Variants in FREM2 observed in about 807,000 individuals in gnomAD.
The protein encoded by FREM2 is FRAS1 related extracellular matrix 2, also known as FRAS1-related extracellular matrix protein 2.
A neutral mutation model predicts 219.9 loss-of-function variants in FREM2; 119 were observed. The ratio of observed to expected loss-of-function variants is 0.54; its 90% confidence interval spans 0.47 to 0.63. FREM2 has a LOEUF of 0.63. Among genes scored for constraint, FREM2 ranks in the 30% least tolerant of loss-of-function variants. The pLI is 0.00. For synonymous variants in FREM2, 1,562 were observed against 1,522.8 expected, an observed-to-expected ratio of 1.03 and a Z score of -0.60; for missense variants, 4,030 against 3,993.6, an observed-to-expected ratio of 1.01 and a Z score of -0.25.
intron 4 of FREM2, among the ~76,000 whole-genome samples, chr13:38,781,024 T>G (rs112778313): frequency 0.013 from 1,926 of 152,326 alleles, 37 homozygotes; most frequent in African/African-American, 0.044. Flanking sequence ...TCCCATCTGG[T>G]CTTTGTTTAT....
chr13:38,722,269 A>G (rs1871307108), intron 2 of FREM2, among the ~76,000 whole-genome samples: 1 of 152,170 alleles, frequency 6.6e-6, no homozygotes, highest in Non-Finnish European at 1.5e-5. Flanking sequence ...TCTGTTGCCC[A>G]GGCTAGTCTG....
chr13:38,692,706 C>T (rs1162069321), intron 1 of FREM2, among the ~76,000 whole-genome samples, 189 bp downstream of exon 1: 4 of 152,128 alleles, frequency 2.6e-5, no homozygotes, highest in Non-Finnish European at 5.9e-5. Context: ...ATCTCAGTGG[C>T]CTTCATTAGA....
At chr13:38,808,808 A>G (rs530310473) in intron 6 of FREM2, among the ~76,000 whole-genome samples, 1 of 152,090 alleles carries the variant, frequency 6.6e-6, no homozygotes, top group South Asian at 2.1e-4. Context: ...CTGCAGAGAA[A>G]CAAAGTGAGA....
At chr13:38,700,879 A>T (rs1387543098) in intron 2 of FREM2, among the ~76,000 whole-genome samples, 1 of 152,134 alleles carries the variant, frequency 6.6e-6, no homozygotes, top group African/African-American at 2.4e-5. Context: ...TTTAGGATAG[A>T]CAAAGAGCTT....
At position 38,886,141 on chromosome 13, in the gene FREM2, A is replaced by C. The variant is rs1187009768; in HGVS notation, c.*5354A>C. The stretch of plus-strand genomic sequence containing the variant: ...AGAAAGAAGAAAAAATAAGAATGTA[A>C]ATTTTTAAAAGCTAGCATTAAAAGT... On this transcript the variant is annotated 3_prime_UTR_variant, in exon 24 of 24. Transcript: ENST00000280481. 1 of 152,176 alleles carries C rather than the reference A, an allele frequency of 6.6e-6. No individual in the cohort carries two copies. The highest frequency in any genetic ancestry group is 2.4e-5 in the African/African-American group (1 of 41,444). 9.4% of individuals were successfully genotyped at this position (152,176 alleles called of 1,614,324 possible). A position where few individuals can be genotyped will look rare whatever the true frequency, so the allele number is the denominator to read the frequency against.
At chr13:38,816,101 T>A (rs555282612) in intron 6 of FREM2, among the ~76,000 whole-genome samples, 1 of 152,244 alleles carries the variant, frequency 6.6e-6, no homozygotes, top group African/African-American at 2.4e-5. Context: ...AAGTCCTCCA[T>A]CAAAGAAGAG....
At chr13:38,719,940 G>A (rs1221358510) in intron 2 of FREM2, among the ~76,000 whole-genome samples, 1 of 152,100 alleles carries the variant, frequency 6.6e-6, no homozygotes, top group Non-Finnish European at 1.5e-5. Flanking sequence ...TAATTTCTTT[G>A]AGGTTCAGAT....
chr13:38,812,691 G>A (rs992194514), intron 6 of FREM2, among the ~76,000 whole-genome samples: 3 of 151,834 alleles, frequency 2.0e-5, no homozygotes, highest in African/African-American at 7.3e-5. Flanking sequence ...GACCAGCCTG[G>A]GCAACATGGT....
chr13:38,770,286 G>A (rs1873610849), intron 4 of FREM2, among the ~76,000 whole-genome samples: 1 of 150,976 alleles, frequency 6.6e-6, no homozygotes, highest in African/African-American at 2.4e-5. Context: ...TCAAACTTCT[G>A]GCCTCGAGCT....
intron 6 of FREM2, among the ~76,000 whole-genome samples, chr13:38,795,641 C>T (rs1000044181): frequency 3.3e-5 from 5 of 152,062 alleles, no homozygotes. Context: ...TACATCATTG[C>T]TAACTATAGT....
chr13:38,880,944 C>T lies in FREM2; in HGVS notation c.*157C>T. The T allele has an allele frequency of 2.1e-6, 2 of 932,706 alleles. No individual in the cohort carries two copies. Among genetic ancestry groups the T allele is most frequent in the Non-Finnish European group, 3.3e-6 (2 of 604,560 alleles). The allele number at this position is 932,706 out of a possible 1,614,324, so 57.8% of individuals were successfully genotyped here. ...CTAATGGAGTTTGATTTGAATTCTC[C>T]ATACTCTTTTTTGCATCAAAGGACA... On this transcript the variant is annotated 3_prime_UTR_variant, in exon 24 of 24. Transcript: ENST00000280481.
At chr13:38,834,704 T>A (rs1365861602) in intron 6 of FREM2, among the ~76,000 whole-genome samples, 1 of 152,248 alleles carries the variant, frequency 6.6e-6, no homozygotes, top group East Asian at 1.9e-4. Context: ...TGACCAGTGA[T>A]AATGAGCTTT....
intron 6 of FREM2, among the ~76,000 whole-genome samples, chr13:38,837,765 G>GTTTTTT (rs151057502): frequency 1.4e-5 from 2 of 140,440 alleles, no homozygotes; most frequent in African/African-American, 5.2e-5. Flanking sequence ...GCAACCCCTG[G>GTTTTTT]TTTTTTTTTG....
Position 38,884,652 on chromosome 13 carries a change from T to G in FREM2, c.*3865T>G, listed in dbSNP as rs1310307329. Reference sequence around the variant, plus strand: ...GCAGTAATAAAAGGATGAAAACAAGTGTCTTCACTAAGCGTATGGCCAATA... The same window carrying G: ...GCAGTAATAAAAGGATGAAAACAAGGGTCTTCACTAAGCGTATGGCCAATA... On this transcript the variant is annotated 3_prime_UTR_variant, in exon 24 of 24. Transcript: ENST00000280481. 1.3e-5 allele frequency: 2 copies of G among 152,194 alleles called. No individual in the cohort carries two copies. The highest frequency in any genetic ancestry group is 2.9e-5 in the Non-Finnish European group (2 of 68,028). 9.4% of individuals were successfully genotyped at this position (152,194 alleles called of 1,614,324 possible).
chr13:38,688,370 G>A lies in FREM2; in HGVS notation c.1026G>A (p.Met342Ile), dbSNP rs1384738304. ...QFVLTALTPD[M>I]LAAEDAESPS... Reference sequence around the variant, plus strand: ...TACTGACGGCCCTGACCCCAGACATGCTGGCAGCCGAGGATGCTGAGTCTC... The same window carrying A: ...TACTGACGGCCCTGACCCCAGACATACTGGCAGCCGAGGATGCTGAGTCTC... Residue 342 changes from methionine (M) to isoleucine (I), a missense_variant, in exon 1 of 24, where the codon ATG (methionine) becomes ATA (isoleucine). Physicochemically the swap from Met to Ile is conservative, Grantham distance 10. Around this residue, in one of 2 missense-constraint regions of FREM2, gnomAD observed 3,102 missense variants for 2,950.7 expected, o/e 1.05. Coordinates refer to ENST00000280481, the MANE Select transcript of FREM2 (RefSeq NM_207361.6). 3 of 1,614,032 alleles carry A rather than the reference G, an allele frequency of 1.9e-6. No individual in the cohort carries two copies. The African/African-American group carries it at 4.0e-5, about 22-fold the overall frequency.
At chr13:38,868,221 C>T (rs1371162676) in intron 16 of FREM2, among the ~76,000 whole-genome samples, 2 of 152,162 alleles carry the variant, frequency 1.3e-5, no homozygotes, top group Non-Finnish European at 2.9e-5. Context: ...CCCTAATTTT[C>T]CTCCATTAGT....
In FREM2 at chr13:38,715,232, A is replaced by G. The variant is rs190545458; in HGVS notation, c.5263+17445A>G. ...CTTCTATAAGAGACAAAGATAACCA[A>G]TGCAATAGAAGGAAAAAGAACCCTG... On this transcript the variant is annotated intron_variant, in intron 2 of 23. Coordinates refer to ENST00000280481, the MANE Select transcript of FREM2 (RefSeq NM_207361.6). 3.5e-3 allele frequency among the ~76,000 whole-genome samples: 532 copies of G among 152,316 alleles called. 3 individuals carry two copies. Among genetic ancestry groups the G allele is most frequent in the Non-Finnish European group, 4.9e-3 (333 of 68,020 alleles).
rs758214399 is a variant in FREM2 at position 38,689,200 on chromosome 13, A to G, written c.1856A>G (p.His619Arg). 3.1e-6 allele frequency: 5 copies of G among 1,614,010 alleles called. No individual in the cohort carries two copies. Among genetic ancestry groups the G allele is most frequent in the Non-Finnish European group, 3.4e-6 (4 of 1,179,982 alleles). Residue 619 changes from histidine (H) to arginine (R), a missense_variant, in exon 1 of 24, where the codon CAT (histidine) becomes CGT (arginine). By Grantham distance (29) the His-to-Arg change is conservative. Coordinates refer to ENST00000280481, the MANE Select transcript of FREM2 (RefSeq NM_207361.6). ...HLLLRQTHPP[H>R]EKQELLRGLW... ...CTTCTCCGCCAAACTCACCCTCCCC[A>G]TGAGAAGCAGGAACTTCTCAGAGGC...
chr13:38,849,468 C>T (rs573977528), intron 8 of FREM2, among the ~76,000 whole-genome samples: 3 of 152,284 alleles, frequency 2.0e-5, no homozygotes, highest in East Asian at 1.9e-4. Context: ...AAATGCTGTT[C>T]TGGGACAACC....
Sources: gnomAD v4.1 joint callset for allele counts (sites outside exome capture counted in the v4.1 genomes callset) on GRCh38, gnomAD v4.1.1 for gene constraint, gnomAD v4.1.1 regional missense constraint, MANE v1.5 for transcripts, NCBI Gene and HGNC (gene_info 2026-07-23, HGNC 2026-07-21) for gene names.